Variants in YTHDC1 observed in about 807,000 individuals in gnomAD.
YTHDC1 encodes the protein YTH domain-containing protein 1.
YTHDC1 carries 12 observed loss-of-function variants against 107.0 expected under a neutral mutation model. The observed-to-expected ratio is 0.11, with a 90% CI of 0.07 to 0.18. YTHDC1 has a LOEUF of 0.18. Ranked by LOEUF, YTHDC1 falls within the 10% of genes least tolerant of loss-of-function variation. The pLI, the probability that YTHDC1 is intolerant of heterozygous loss-of-function variation, is 1.00. For missense variants in YTHDC1, 635 were observed against 898.8 expected (o/e 0.71, Z 3.75); for synonymous variants, 280 against 289.5 (o/e 0.97, Z 0.33).
rs146063244 is a variant in YTHDC1 at position 68,337,638 on chromosome 4, T to C, written c.393A>G (p.Glu131=). 3.1e-6 allele frequency: 5 copies of C among 1,613,712 alleles called. No individual in the cohort carries two copies. The African/African-American group carries it at 6.7e-5, about 22-fold the overall frequency. Residue 131 remains glutamate, a synonymous_variant, in exon 3 of 17, where the codon GAA becomes GAG. Transcript: ENST00000344157. ...ASREPYKNQP[E]KTCVRKRDPE... Reference sequence around the variant, plus strand: ...GATCCCTTTTCCGGACACAGGTTTTTTCAGGTTGATTCTTATAAGGTTCTC... The same window carrying C: ...GATCCCTTTTCCGGACACAGGTTTTCTCAGGTTGATTCTTATAAGGTTCTC...
At chr4:68,331,971 G>A (rs1723634037) in intron 7 of YTHDC1, 132 bp downstream of exon 7, 1 of 478,070 alleles carries the variant, frequency 2.1e-6, no homozygotes, top group South Asian at 5.1e-5. Flanking sequence ...GATCCTAAGT[G>A]GCCATTGGAA....
Position 68,337,788 on chromosome 4 carries a change from G to C in YTHDC1, c.243C>G (p.Asn81Lys). 1.2e-6 allele frequency: 2 copies of C among 1,613,790 alleles called. No homozygotes were observed. Among genetic ancestry groups the C allele is most frequent in the Non-Finnish European group, 1.7e-6 (2 of 1,179,962 alleles). Residue 81 changes from asparagine (N) to lysine (K), a missense_variant, in exon 3 of 17, where the codon AAC (asparagine) becomes AAG (lysine). This residue lies in a region of YTHDC1 where 294 missense variants were observed against 312.3 expected (regional missense o/e 0.94). Coordinates refer to ENST00000344157, the MANE Select transcript of YTHDC1 (RefSeq NM_001031732.4). ...TTCCTTTTGTACTAACTATTCTTTT[G>C]TTATTGCTAACAGATGAGCTCAGTG... ...SKPLSSSVSN[N>K]KRIVSTKGKS...
intron 1 of YTHDC1, among the ~76,000 whole-genome samples, chr4:68,344,593 ATAGATTCCACAGTTGGCTGC>A (rs1289426177): frequency 6.6e-6 from 1 of 152,230 alleles, no homozygotes; most frequent in South Asian, 2.1e-4. Flanking sequence ...CAGCTGGCTG[ATAGATTCCACAGTTGGCTGC>A]TAGATTCCTC....
At position 68,329,997 on chromosome 4, in the gene YTHDC1, T is replaced by C. The variant is rs758192403; in HGVS notation, c.1349+5A>G. On this transcript the variant is annotated splice_donor_5th_base_variant and intron_variant, in intron 9 of 16. Coordinates refer to ENST00000344157, the MANE Select transcript of YTHDC1 (RefSeq NM_001031732.4). ...CAGTTATCTATACTGAAGTGTATAA[T>C]TTACCTGCAAATCCAGTCAATTTTA... 1.0e-5 allele frequency: 16 copies of C among 1,607,056 alleles called. No homozygotes were observed. The highest frequency in any genetic ancestry group is 1.3e-5 in the Non-Finnish European group (15 of 1,173,990).
chr4:68,327,147 A>C (rs1578037952), intron 9 of YTHDC1, among the ~76,000 whole-genome samples: 1 of 152,042 alleles, frequency 6.6e-6, no homozygotes, highest in Middle Eastern at 3.4e-3. Context: ...GAGGCAGAAG[A>C]ATCGCTTGAA....
At position 68,337,653 on chromosome 4, in the gene YTHDC1, A is replaced by G. The variant is rs748314172; in HGVS notation, c.378T>C (p.Tyr126=). ...RLSSSASREP[Y]KNQPEKTCVR... ...CACAGGTTTTTTCAGGTTGATTCTT[A>G]TAAGGTTCTCTGGAGGCACTACTTG... Residue 126 remains tyrosine (Y), a synonymous_variant, in exon 3 of 17, where the codon TAT becomes TAC. Coordinates refer to ENST00000344157, the MANE Select transcript of YTHDC1 (RefSeq NM_001031732.4). The G allele has an allele frequency of 1.3e-5, 21 of 1,613,992 alleles. No individual in the cohort carries two copies. Among genetic ancestry groups the G allele is most frequent in the South Asian group, 6.6e-5 (6 of 91,080 alleles).
chr4:68,313,356 A>T lies in YTHDC1; in HGVS notation c.*743T>A, dbSNP rs1721452972. On this transcript the variant is annotated 3_prime_UTR_variant, in exon 17 of 17. Transcript: ENST00000344157. ...TTTACCAATTTATTTTATACAAAACAGTAGCAATGTAGAATATGGGAATCG... is the reference window on the plus strand; with the variant it reads ...TTTACCAATTTATTTTATACAAAACTGTAGCAATGTAGAATATGGGAATCG... The T allele has an allele frequency of 6.5e-6, 1 of 152,684 alleles. No individual in the cohort carries two copies. The highest frequency in any genetic ancestry group is 1.5e-5 in the Non-Finnish European group (1 of 68,054). The allele number at this position is 152,684 out of a possible 1,614,324, so 9.5% of individuals were successfully genotyped here.
In YTHDC1 at chr4:68,337,581, A is replaced by G; in HGVS notation, c.450T>C (p.Asp150=). ...PERRAKSPTP[D]GSERIGLEVD... is the part of the protein sequence containing the mutation. The stretch of plus-strand genomic sequence containing the variant: ...CAATAATATTTACTACCTCAGAACC[A>G]TCTGGCGTAGGAGATTTGGCCCTCC... The change falls in exon 3 of 17, where the codon GAT becomes GAC. Residue 150 remains aspartate (D), a synonymous_variant. Coordinates refer to ENST00000344157, the MANE Select transcript of YTHDC1 (RefSeq NM_001031732.4). 1.2e-6 allele frequency: 2 copies of G among 1,607,422 alleles called. No homozygotes were observed. Among genetic ancestry groups the G allele is most frequent in the Non-Finnish European group, 1.7e-6 (2 of 1,178,186 alleles).
chr4:68,332,228 C>A (rs1305908555), intron 6 of YTHDC1, 31 bp from the exon 7 acceptor site: 2 of 1,480,414 alleles, frequency 1.4e-6, no homozygotes, highest in African/African-American at 2.8e-5. Context: ...AATCGATTAA[C>A]CACAAGCCAT....
intron 1 of YTHDC1, among the ~76,000 whole-genome samples, chr4:68,346,479 T>C (rs1292577655): frequency 6.6e-6 from 1 of 152,182 alleles, no homozygotes; most frequent in Non-Finnish European, 1.5e-5. Context: ...AGTCAATCAC[T>C]GTCCAAAGAT....
At chr4:68,318,763 G>A (rs1447917355) in intron 13 of YTHDC1, 34 bp from the exon 14 acceptor site, 1 of 1,614,052 alleles carries the variant, frequency 6.2e-7, no homozygotes, top group African/African-American at 1.3e-5. Context: ...ACTAAATTCA[G>A]GTAATTCATA....
rs1027859922 is a variant in YTHDC1 at position 68,338,196 on chromosome 4, C to CA, written c.130+86dup. The stretch of plus-strand genomic sequence containing the variant: ...TGTTAACTGCCTCAAGGAACAAGCA[C>CA]AAAAAAGCACAGTCATTTTTTTTAA... On this transcript the variant is annotated intron_variant, in intron 2 of 16. Coordinates refer to ENST00000344157, the MANE Select transcript of YTHDC1 (RefSeq NM_001031732.4). 1.4e-5 allele frequency: 19 copies of CA among 1,377,780 alleles called. No individual in the cohort carries two copies. The African/African-American group carries it at 2.4e-4, about 17-fold the overall frequency. 85.3% of individuals were successfully genotyped at this position (1,377,780 alleles called of 1,614,324 possible).
At position 68,318,542 on chromosome 4, in the gene YTHDC1, G is replaced by A. The variant is rs746188883; in HGVS notation, c.1801C>T (p.Pro601Ser). The change falls in exon 15 of 17, where the codon CCA becomes TCA. Residue 601 changes from proline to serine, a missense_variant. This residue lies in a region of YTHDC1 where 256 missense variants were observed against 372.9 expected (regional missense o/e 0.69). Coordinates refer to ENST00000344157, the MANE Select transcript of YTHDC1 (RefSeq NM_001031732.4). ...ACCATTCCTTGCCAAGGTGGTGGTG[G>A]TCCCATGTTATGAAATTCCCTCACA... ...DYVREFHNMG[P>S]PPPWQGMPPY... 1.4e-5 allele frequency: 22 copies of A among 1,612,582 alleles called. No homozygotes were observed. The Admixed American group carries it at 3.7e-4, about 27-fold the overall frequency.
At position 68,322,919 on chromosome 4, in the gene YTHDC1, G is replaced by A; in HGVS notation, c.1435-4C>T. 6.2e-7 allele frequency: 1 copy of A among 1,611,096 alleles called. No homozygotes were observed. The highest frequency in any genetic ancestry group is 8.5e-7 in the Non-Finnish European group (1 of 1,177,644). ...TTCCACATTCAAGTTCAATTTCCTA[G>A]AATAGGAAAGTAGCAATTTATAAAA... On this transcript the variant is annotated splice_polypyrimidine_tract_variant and splice_region_variant and intron_variant, in intron 10 of 16. Transcript: ENST00000344157. The surrounding 1 kb of genome is among the most constrained non-coding windows in gnomAD (Gnocchi z 4.8).
chr4:68,331,064 T>C (rs1332922222), intron 7 of YTHDC1, among the ~76,000 whole-genome samples: 1 of 152,118 alleles, frequency 6.6e-6, no homozygotes, highest in African/African-American at 2.4e-5. Context: ...TCAAGTCCCT[T>C]ATATAAAATG....
intron 5 of YTHDC1, among the ~76,000 whole-genome samples, 198 bp downstream of exon 5, chr4:68,333,110 A>G (rs538593261): frequency 7.2e-5 from 11 of 152,272 alleles, no homozygotes; most frequent in Admixed American, 2.0e-4. Flanking sequence ...AAAAAAGTGA[A>G]AATTCCACTT....
intron 1 of YTHDC1, among the ~76,000 whole-genome samples, chr4:68,339,400 C>G (rs1724571506): frequency 6.6e-6 from 1 of 152,098 alleles, no homozygotes; most frequent in African/African-American, 2.4e-5. Flanking sequence ...GAACACAGCC[C>G]ACAATATTGG....
At chr4:68,316,600 T>A in intron 15 of YTHDC1, 152 bp from the exon 16 acceptor site, 1 of 869,900 alleles carries the variant, frequency 1.1e-6, no homozygotes, top group Non-Finnish European at 1.7e-6. Flanking sequence ...AAAATATGCT[T>A]TTTGTCGAAA....
intron 10 of YTHDC1, 128 bp downstream of exon 10, chr4:68,324,011 T>G: frequency 3.9e-6 from 3 of 762,470 alleles, no homozygotes; most frequent in Non-Finnish European, 6.3e-6. Flanking sequence ...AAACTTCAGA[T>G]AAGATTATTT....
Sources: allele counts gnomAD v4.1 joint callset (sites outside exome capture counted in the v4.1 genomes callset), GRCh38; gene constraint gnomAD v4.1.1; regional missense constraint gnomAD v4.1.1; non-coding constraint Gnocchi (gnomAD v3.1); transcripts MANE v1.5; gene names NCBI Gene and HGNC (gene_info 2026-07-23, HGNC 2026-07-21).